The following CACNA1C variants were observed in gnomAD, a reference collection of about 807,000 sequenced individuals.
The protein encoded by CACNA1C is voltage-dependent L-type calcium channel subunit alpha-1C.
Under a neutral mutation model 229.0 loss-of-function variants are expected in CACNA1C, and 30 were observed. The observed-to-expected ratio is 0.13, with a 90% CI of 0.10 to 0.18. The LOEUF (loss-of-function observed/expected upper bound fraction) is 0.18. Among genes scored for constraint, CACNA1C ranks in the 10% least tolerant of loss-of-function variants. CACNA1C has a pLI of 1.00. For synonymous variants in CACNA1C, 1,114 were observed against 1,132.5 expected, an observed-to-expected ratio of 0.98 and a Z score of 0.33; for missense variants, 1,658 against 2,845.0, an observed-to-expected ratio of 0.58 and a Z score of 9.49.
intron 3 of CACNA1C, among the ~76,000 whole-genome samples, chr12:2,143,409 A>G (rs1194195694): frequency 1.3e-5 from 2 of 151,386 alleles, no homozygotes; most frequent in African/African-American, 4.8e-5. Context: ...TCAGTCCTGC[A>G]AGCTCCGTTC....
chr12:2,298,212 C>T (rs2094237296), intron 3 of CACNA1C, among the ~76,000 whole-genome samples: 1 of 152,222 alleles, frequency 6.6e-6, no homozygotes, highest in South Asian at 2.1e-4. Context: ...GACAAGTGCT[C>T]AGCAATAGTC....
chr12:2,089,331 A>G (rs970336174), intron 1 of CACNA1C, among the ~76,000 whole-genome samples: 1 of 152,230 alleles, frequency 6.6e-6, no homozygotes, highest in East Asian at 1.9e-4. Context: ...ATTAATTTGC[A>G]TGAAGCTAGG....
rs576171912 is a variant in CACNA1C, at chr12:2,204,591, C to T, written c.477+84161C>T. ...GGATTAAGAAAATGTGGCACATATACATCATGGAATACTATGCAGCCATAA... is the reference window on the plus strand; with the variant it reads ...GGATTAAGAAAATGTGGCACATATATATCATGGAATACTATGCAGCCATAA... On this transcript the variant is annotated intron_variant, in intron 3 of 46. Transcript: ENST00000399655. 1.8e-3 allele frequency among the ~76,000 whole-genome samples: 277 copies of T among 151,520 alleles called. 1 individual carries two copies. The highest frequency in any genetic ancestry group is 6.2e-3 in the African/African-American group (257 of 41,244).
At chr12:2,433,554 C>G (rs1368884154) in intron 3 of CACNA1C, among the ~76,000 whole-genome samples, 6 of 152,252 alleles carry the variant, frequency 3.9e-5, no homozygotes, top group African/African-American at 1.2e-4. Context: ...TCTTTGCTTT[C>G]TTCTCACTCA....
rs571667684 is a variant in CACNA1C at position 2,665,697 on chromosome 12, C to T, written c.4515C>T (p.Asp1505=). ...DEFKRIWAEY[D]PEAKGRIKHL... ...TTAAAAGAATCTGGGCAGAGTATGA[C>T]CCTGAAGCCAAGTAAGTTCCCAGAG... is the stretch of plus-strand genomic sequence containing the variant. The change falls in exon 36 of 47, where the codon GAC becomes GAT. Residue 1505 remains aspartate (D), a synonymous_variant. Coordinates refer to ENST00000399655, the MANE Select transcript of CACNA1C (RefSeq NM_000719.7). The surrounding 1 kb of genome is among the most constrained non-coding windows in gnomAD (Gnocchi z 5.9). The T allele has an allele frequency of 3.2e-5, 52 of 1,612,448 alleles. 1 individual carries two copies. The South Asian group carries it at 3.4e-4, about 11-fold the overall frequency.
rs147873867 is a variant in CACNA1C at position 2,163,189 on chromosome 12, G to A, written c.477+42759G>A. ...TTGCACTCTAGTCTGGGCAACAAGAGTGAAATTCCATCTCAAAAAAAAAAA... is the reference window on the plus strand; with the variant it reads ...TTGCACTCTAGTCTGGGCAACAAGAATGAAATTCCATCTCAAAAAAAAAAA... On this transcript the variant is annotated intron_variant, in intron 3 of 46. Transcript: ENST00000399655. Among the ~76,000 whole-genome samples the A allele has an allele frequency of 9.7e-4, 129 of 133,372 alleles. 2 individuals are homozygous for A. The highest frequency in any genetic ancestry group is 3.6e-3 in the African/African-American group (129 of 36,272). The allele number at this position is 133,372 out of a possible 152,430, so 87.5% of individuals were successfully genotyped here.
intron 3 of CACNA1C, among the ~76,000 whole-genome samples, chr12:2,313,794 A>G (rs1017995434): frequency 1.3e-5 from 2 of 152,214 alleles, no homozygotes; most frequent in African/African-American, 4.8e-5. Context: ...TGAGGCAGAC[A>G]GGGTTTTAGC....
chr12:2,022,500 G>A (rs1180555697), intron 1 of CACNA1C, among the ~76,000 whole-genome samples: 3 of 149,972 alleles, frequency 2.0e-5, no homozygotes, highest in Non-Finnish European at 3.0e-5. Flanking sequence ...TCTCACCCTC[G>A]GGGGAGTGCA....
At chr12:2,212,428 A>G (rs2097950629) in intron 3 of CACNA1C, among the ~76,000 whole-genome samples, 1 of 152,218 alleles carries the variant, frequency 6.6e-6, no homozygotes, top group African/African-American at 2.4e-5. Context: ...GTGTTTGAGG[A>G]AATCTTACGG....
intron 1 of CACNA1C, among the ~76,000 whole-genome samples, chr12:2,070,310 TCTTA>T (rs1316421730): frequency 6.6e-6 from 1 of 152,240 alleles, no homozygotes; most frequent in Non-Finnish European, 1.5e-5. Flanking sequence ...GGATGCTTTA[TCTTA>T]CTTGTGGTAG....
At chr12:2,000,220 T>C (rs1411406949) in intron 1 of CACNA1C, among the ~76,000 whole-genome samples, 1 of 152,200 alleles carries the variant, frequency 6.6e-6, no homozygotes, top group Non-Finnish European at 1.5e-5. Flanking sequence ...TTTGGTATTA[T>C]CCATTACATT....
chr12:2,208,246 A>G (rs1293175670), intron 3 of CACNA1C, among the ~76,000 whole-genome samples: 1 of 152,254 alleles, frequency 6.6e-6, no homozygotes, highest in African/African-American at 2.4e-5. Flanking sequence ...TCTAAGAGGA[A>G]TGAGAAGACA....
At chr12:2,377,415 C>T (rs1405107446) in intron 3 of CACNA1C, among the ~76,000 whole-genome samples, 1 of 152,170 alleles carries the variant, frequency 6.6e-6, no homozygotes. Context: ...AGCGCTGCAC[C>T]CCTGACCTAC....
intron 3 of CACNA1C, among the ~76,000 whole-genome samples, chr12:2,179,548 T>TTGACCCAGACCCCTATTGCGTTAGAAA (rs2096769478): frequency 1.3e-5 from 2 of 152,210 alleles, no homozygotes; most frequent in African/African-American, 2.4e-5. Flanking sequence ...ATACTGAACA[T>TTGACCCAGACCCCTATTGCGTTAGAAA]TGACCCAGAC....
chr12:2,028,488 A>G (rs1037072496), intron 1 of CACNA1C, among the ~76,000 whole-genome samples: 1 of 152,236 alleles, frequency 6.6e-6, no homozygotes, highest in African/African-American at 2.4e-5. Context: ...CAGATCTTCT[A>G]TCAGTCCAAT....
chr12:2,458,952 C>G (rs2099468435), intron 5 of CACNA1C, among the ~76,000 whole-genome samples: 2 of 150,146 alleles, frequency 1.3e-5, no homozygotes, highest in Admixed American at 6.6e-5. Flanking sequence ...TGGTATATCT[C>G]TCTTGATTGT....
chr12:2,028,727 T>C (rs1379890275), intron 1 of CACNA1C, among the ~76,000 whole-genome samples: 1 of 152,206 alleles, frequency 6.6e-6, no homozygotes, highest in Non-Finnish European at 1.5e-5. Flanking sequence ...AATATTTCTG[T>C]ATGATGCAGG....
Position 2,633,805 on chromosome 12 carries a change from CTTTTATGTTTT to C in CACNA1C, c.3829-486_3829-476del. Reference sequence around the variant, plus strand: ...CTCTCTCACTCTCTCTGTTTACCTTCTTTTATGTTTTTTTTAATTTCCTGTTTTTACCCGCC... The same window carrying C: ...CTCTCTCACTCTCTCTGTTTACCTTCTTTTAATTTCCTGTTTTTACCCGCC... On this transcript the variant is annotated intron_variant, in intron 29 of 46. Transcript: ENST00000399655. The surrounding 1 kb of genome is among the most constrained non-coding windows in gnomAD (Gnocchi z 5.8). The C allele has an allele frequency of 1.3e-6, 1 of 742,208 alleles. No individual in the cohort carries two copies. Among genetic ancestry groups the C allele is most frequent in the Non-Finnish European group, 2.3e-6 (1 of 431,688 alleles). 46.0% of individuals were successfully genotyped at this position (742,208 alleles called of 1,614,324 possible).
At chr12:2,313,680 A>G (rs1431114271) in intron 3 of CACNA1C, among the ~76,000 whole-genome samples, 1 of 152,136 alleles carries the variant, frequency 6.6e-6, no homozygotes, top group Non-Finnish European at 1.5e-5. Flanking sequence ...ATGTGGACAC[A>G]TGCTGGTTCC....
Sources: allele counts gnomAD v4.1 joint callset (sites outside exome capture counted in the v4.1 genomes callset), GRCh38; gene constraint gnomAD v4.1.1; non-coding constraint Gnocchi (gnomAD v3.1); transcripts MANE v1.5; gene names NCBI Gene and HGNC (gene_info 2026-07-23, HGNC 2026-07-21).